WDR89: variants seen among roughly 807,000 people sequenced by gnomAD.
WDR89 encodes the protein WD repeat-containing protein 89.
WDR89 carries 17 observed loss-of-function variants against 29.1 expected under a neutral mutation model. That is an observed-to-expected ratio of 0.58 (90% confidence interval 0.40 to 0.88). The LOEUF is 0.88. Ranked by LOEUF, WDR89 falls within the 40% of genes least tolerant of loss-of-function variation. The pLI is 0.00. For synonymous variants in WDR89, 138 were observed against 157.8 expected (o/e 0.87, Z 0.94); for missense variants, 396 against 456.3 (o/e 0.87, Z 1.20).
chr14:63,637,045 A>G (rs554086101), intron 1 of WDR89, among the ~76,000 whole-genome samples: 1 of 151,330 alleles, frequency 6.6e-6, no homozygotes, highest in Non-Finnish European at 1.5e-5. Context: ...CAGCATCTAC[A>G]ACGAACTCAA....
intron 2 of WDR89, among the ~76,000 whole-genome samples, chr14:63,610,298 A>G (rs776711657): frequency 2.3e-4 from 35 of 152,000 alleles, no homozygotes; most frequent in Non-Finnish European, 3.4e-4. Context: ...CCATACTGAT[A>G]AAAATGAATC....
intron 2 of WDR89, among the ~76,000 whole-genome samples, chr14:63,613,009 T>C (rs752375689): frequency 6.6e-5 from 10 of 152,172 alleles, no homozygotes; most frequent in Admixed American, 5.2e-4. Flanking sequence ...CAGTATGTCA[T>C]TAGTTTTTGC....
intron 2 of WDR89, among the ~76,000 whole-genome samples, chr14:63,605,470 T>C (rs1371839003): frequency 2.0e-5 from 3 of 152,144 alleles, no homozygotes; most frequent in African/African-American, 7.2e-5. Context: ...TATACTTTTT[T>C]TTTTTTTGAG....
intron 1 of WDR89, among the ~76,000 whole-genome samples, chr14:63,637,284 T>C (rs191514265): frequency 2.2e-4 from 34 of 152,218 alleles, no homozygotes; most frequent in African/African-American, 4.8e-4. Flanking sequence ...GTGGATGTGG[T>C]AAACAGGGAA....
At chr14:63,622,294 A>G (rs566555054) in intron 2 of WDR89, among the ~76,000 whole-genome samples, 128 of 152,076 alleles carry the variant, frequency 8.4e-4, no homozygotes, top group South Asian at 6.0e-3. Flanking sequence ...AAAAGTAGCC[A>G]GGCAGCCGGG....
intron 2 of WDR89, among the ~76,000 whole-genome samples, chr14:63,606,857 C>T (rs978685013): frequency 2.2e-4 from 33 of 152,196 alleles, no homozygotes; most frequent in African/African-American, 7.5e-4. Flanking sequence ...TGCCCTTGCT[C>T]TCATAGCTAC....
intron 1 of WDR89, among the ~76,000 whole-genome samples, chr14:63,635,065 T>TGGTACCAA (rs1434359240): frequency 6.6e-6 from 1 of 151,416 alleles, no homozygotes; most frequent in African/African-American, 2.4e-5. Context: ...TTCAAAGAAT[T>TGGTACCAA]GGTACCAATC....
At chr14:63,605,801 A>G (rs888987707) in intron 2 of WDR89, among the ~76,000 whole-genome samples, 1 of 152,022 alleles carries the variant, frequency 6.6e-6, no homozygotes, top group African/African-American at 2.4e-5. Context: ...GACTTTCTCT[A>G]CTTATTGAAA....
chr14:63,630,388 A>G (rs1883318280), intron 1 of WDR89, among the ~76,000 whole-genome samples: 1 of 151,228 alleles, frequency 6.6e-6, no homozygotes, highest in African/African-American at 2.4e-5. Context: ...CACGCCTGTA[A>G]TCACAGCACT....
rs763872055 is a variant in WDR89 at position 63,599,068 on chromosome 14, A to G, written c.875T>C (p.Ile292Thr). ...YHEKTDTLHV[I>T]GGTNKGRIHL... ...AATCCTTCCTTTGTTTGTTCCTCCA[A>G]TAACATGCAATGTGTCTGTCTTTTC... is the stretch of plus-strand genomic sequence containing the variant. Residue 292 changes from isoleucine (I) to threonine (T), a missense_variant, in exon 3 of 3, where the codon ATT becomes ACT. By Grantham distance (89) the Ile-to-Thr change is moderately conservative. Coordinates refer to ENST00000620954, the MANE Select transcript of WDR89 (RefSeq NM_080666.4). 6.2e-7 allele frequency: 1 copy of G among 1,614,156 alleles called. No individual in the cohort carries two copies. Among genetic ancestry groups the G allele is most frequent in the Non-Finnish European group, 8.5e-7 (1 of 1,180,018 alleles).
At chr14:63,628,859 G>A (rs1278104858) in intron 1 of WDR89, among the ~76,000 whole-genome samples, 1 of 151,954 alleles carries the variant, frequency 6.6e-6, no homozygotes, top group African/African-American at 2.4e-5. Flanking sequence ...AGCAACTTGG[G>A]AGGCTAAGGT....
At chr14:63,611,221 C>A (rs1371878206) in intron 2 of WDR89, among the ~76,000 whole-genome samples, 2 of 150,906 alleles carry the variant, frequency 1.3e-5, no homozygotes, top group African/African-American at 4.9e-5. Flanking sequence ...CTTGTAGTCC[C>A]AGCTACTAAG....
At chr14:63,625,406 ACAATTCATCAAACTACATACTTACATGT>A (rs1387850508) in intron 1 of WDR89, among the ~76,000 whole-genome samples, 2 of 126,734 alleles carry the variant, frequency 1.6e-5, no homozygotes, top group East Asian at 2.1e-4. Context: ...CTACATACTT[ACAATTCATCAAACTACATACTTACATGT>A]CAATTCATCA....
intron 2 of WDR89, among the ~76,000 whole-genome samples, chr14:63,608,273 G>A (rs1881723964): frequency 6.6e-6 from 1 of 152,096 alleles, no homozygotes; most frequent in East Asian, 1.9e-4. Flanking sequence ...GGCTGGGCAT[G>A]GTGACTTACA....
intron 2 of WDR89, among the ~76,000 whole-genome samples, chr14:63,622,451 C>A (rs1339412208): frequency 6.6e-6 from 1 of 152,176 alleles, no homozygotes; most frequent in South Asian, 2.1e-4. Context: ...CGTGGTGGCA[C>A]ATGCCTATAA....
At chr14:63,627,142 ACACACACACT>A (rs1183211266) in intron 1 of WDR89, among the ~76,000 whole-genome samples, 21 of 130,030 alleles carry the variant, frequency 1.6e-4, no homozygotes, top group Non-Finnish European at 3.2e-5. Flanking sequence ...ACACACACAC[ACACACACACT>A]CTCTCTCTCT....
chr14:63,641,430 C>T (rs1164962472), intron 1 of WDR89: 2 of 152,338 alleles, frequency 1.3e-5, no homozygotes, highest in African/African-American at 4.8e-5. Context: ...TATACTAAAC[C>T]CTTTTAGTGG....
At chr14:63,610,231 A>C (rs1004342533) in intron 2 of WDR89, among the ~76,000 whole-genome samples, 2 of 151,090 alleles carry the variant, frequency 1.3e-5, no homozygotes, top group African/African-American at 2.4e-5. Flanking sequence ...AAAAAAAAAA[A>C]AAAAAAAAAA....
rs57605983 is a variant in WDR89 at position 63,608,666 on chromosome 14, GCACACACACACACA to G, written c.-31-8707_-31-8694del. Reference sequence around the variant, plus strand: ...ACAAAAACCAGCCAGTGTGGTGCATGCACACACACACACACACACACACACACACACAAATAGGT... The same window carrying G: ...ACAAAAACCAGCCAGTGTGGTGCATGCACACACACACACACACAAATAGGT... On this transcript the variant is annotated intron_variant, in intron 2 of 2. Transcript: ENST00000620954. Among the ~76,000 whole-genome samples the G allele has an allele frequency of 1.9e-3, 273 of 144,754 alleles. 1 individual carries two copies. Among genetic ancestry groups the G allele is most frequent in the African/African-American group, 6.2e-3 (246 of 39,824 alleles). 95.0% of individuals were successfully genotyped at this position (144,754 alleles called of 152,430 possible). A position where few individuals can be genotyped will look rare whatever the true frequency, so the allele number is the denominator to read the frequency against.
Sources: allele counts gnomAD v4.1 joint callset (sites outside exome capture counted in the v4.1 genomes callset), GRCh38; gene constraint gnomAD v4.1.1; transcripts MANE v1.5; gene names NCBI Gene and HGNC (gene_info 2026-07-23, HGNC 2026-07-21).